The following PDE11A variants were observed in gnomAD, a reference collection of about 807,000 sequenced individuals.
PDE11A encodes the protein dual 3',5'-cyclic-AMP and -GMP phosphodiesterase 11A.
Under a neutral mutation model 100.5 loss-of-function variants are expected in PDE11A, and 100 were observed. That is an observed-to-expected ratio of 1.00 (90% CI 0.85 to 1.18). The LOEUF is 1.18. PDE11A is among the 50% of genes most tolerant of loss of function. PDE11A has a pLI of 0.00. For synonymous variants in PDE11A, 381 were observed against 420.8 expected, an observed-to-expected ratio of 0.91 and a Z score of 1.16; for missense variants, 1,141 against 1,152.6, an observed-to-expected ratio of 0.99 and a Z score of 0.15.
chr2:178,104,556 T>C, intron 1 of PDE11A: 2 of 1,202,560 alleles, frequency 1.7e-6, no homozygotes, highest in South Asian at 2.6e-5. Context: ...AAGAATTCCA[T>C]CATTTTGACT....
At chr2:178,062,689 C>T (rs919194427) in intron 1 of PDE11A, among the ~76,000 whole-genome samples, 2 of 152,156 alleles carry the variant, frequency 1.3e-5, no homozygotes, top group Non-Finnish European at 2.9e-5. Flanking sequence ...GTTCATTAAA[C>T]TGTGCATACC....
rs1318102128 is a variant in PDE11A at position 177,793,799 on chromosome 2, C to T, written c.1737+23030G>A. 7.9e-5 allele frequency among the ~76,000 whole-genome samples: 12 copies of T among 152,246 alleles called. No homozygotes were observed. In the South Asian group the frequency reaches 2.3e-3, roughly 29 times the overall value. On this transcript the variant is annotated intron_variant, in intron 9 of 19. Coordinates refer to ENST00000286063, the MANE Select transcript of PDE11A (RefSeq NM_016953.4). The stretch of plus-strand genomic sequence containing the variant: ...AGGGATCAGGCACACTGACTTGCTC[C>T]GGTGTCTAGTCAGTAGAAGGATGGG...
chr2:177,991,789 T>C (rs1166217559), intron 2 of PDE11A, among the ~76,000 whole-genome samples: 1 of 151,054 alleles, frequency 6.6e-6, no homozygotes, highest in African/African-American at 2.4e-5. Flanking sequence ...GCATGAGTTT[T>C]TAAGTGCTGC....
At chr2:177,722,747 T>C (rs1284139457) in intron 12 of PDE11A, among the ~76,000 whole-genome samples, 1 of 152,218 alleles carries the variant, frequency 6.6e-6, no homozygotes, top group East Asian at 1.9e-4. Flanking sequence ...ATTTGCCATC[T>C]TGTAGGTTAC....
chr2:178,071,888 G>A lies in PDE11A; in HGVS notation c.550C>T (p.Arg184Trp). 1 of 1,613,828 alleles carries A rather than the reference G, an allele frequency of 6.2e-7. No homozygotes were observed. Among genetic ancestry groups the A allele is most frequent in the Non-Finnish European group, 8.5e-7 (1 of 1,179,736 alleles). ...TAGTCGATGGCTGTAGGGGGATACC[G>A]AGGCAGATTCACTCTCGATTCCAGC... is the stretch of plus-strand genomic sequence containing the variant. ...ALLESRVNLP[R>W]YPPTAIDYKC... Residue 184 changes from arginine (R) to tryptophan (W), a missense_variant, in exon 1 of 20, where the codon CGG becomes TGG. Arg to Trp is a moderately radical substitution (Grantham distance 101). Transcript: ENST00000286063.
At chr2:178,068,333 G>A (rs1041547105) in intron 1 of PDE11A, among the ~76,000 whole-genome samples, 1 of 151,660 alleles carries the variant, frequency 6.6e-6, no homozygotes, top group Admixed American at 6.6e-5. Flanking sequence ...TAAACTGAGG[G>A]GTTTTGGGCT....
intron 2 of PDE11A, among the ~76,000 whole-genome samples, chr2:177,958,903 T>C (rs1358644453): frequency 1.3e-5 from 2 of 152,216 alleles, no homozygotes; most frequent in African/African-American, 4.8e-5. Flanking sequence ...GAACAAAATT[T>C]ATTGAGCCCC....
chr2:177,629,895 A>C (rs536080989), intron 19 of PDE11A, among the ~76,000 whole-genome samples: 72 of 152,324 alleles, frequency 4.7e-4, no homozygotes, highest in Admixed American at 9.2e-4. Flanking sequence ...ACATATGCCT[A>C]CTTACGTGTG....
intron 13 of PDE11A, among the ~76,000 whole-genome samples, chr2:177,711,501 G>A (rs2081358710): frequency 6.6e-6 from 1 of 152,204 alleles, no homozygotes; most frequent in Non-Finnish European, 1.5e-5. Flanking sequence ...GAGGAAAAAA[G>A]TAGACCCTTT....
At chr2:177,860,610 G>T (rs959378647) in intron 5 of PDE11A, among the ~76,000 whole-genome samples, 1 of 151,496 alleles carries the variant, frequency 6.6e-6, no homozygotes. Flanking sequence ...ATTCTATGAG[G>T]GTAGCATTGC....
intron 1 of PDE11A, among the ~76,000 whole-genome samples, chr2:178,027,647 TA>T (rs1277611798): frequency 6.6e-6 from 1 of 152,106 alleles, no homozygotes; most frequent in Non-Finnish European, 1.5e-5. Context: ...TCACCCTAGC[TA>T]AAAAATCTCT....
chr2:177,689,451 C>T (rs904881986), intron 15 of PDE11A, among the ~76,000 whole-genome samples: 3 of 151,968 alleles, frequency 2.0e-5, no homozygotes, highest in South Asian at 4.2e-4. Flanking sequence ...TGTGTGGATG[C>T]GGTGAGTGGG....
At chr2:177,724,230 G>A (rs981001194) in intron 12 of PDE11A, among the ~76,000 whole-genome samples, 1 of 151,634 alleles carries the variant, frequency 6.6e-6, no homozygotes, top group Non-Finnish European at 1.5e-5. Flanking sequence ...TCAGACCAGA[G>A]GCATGGAACA....
At chr2:177,853,674 A>G (rs1476030947) in intron 5 of PDE11A, among the ~76,000 whole-genome samples, 35 of 34,348 alleles carry the variant, frequency 1.0e-3, no homozygotes, top group African/African-American at 1.9e-3. Flanking sequence ...ATATATATAT[A>G]TATATATGTG....
At chr2:177,786,836 G>GA (rs2082544667) in intron 9 of PDE11A, among the ~76,000 whole-genome samples, 1 of 151,966 alleles carries the variant, frequency 6.6e-6, no homozygotes, top group Non-Finnish European at 1.5e-5. Flanking sequence ...GAAGTTTAGA[G>GA]AAAAAAGAAT....
intron 2 of PDE11A, among the ~76,000 whole-genome samples, chr2:177,945,064 C>G (rs547267860): frequency 4.6e-4 from 69 of 150,006 alleles, no homozygotes; most frequent in African/African-American, 1.5e-3. Context: ...GCGAGTGATC[C>G]GCCAGCCTTG....
At chr2:177,871,151 C>T (rs972253322) in intron 5 of PDE11A, among the ~76,000 whole-genome samples, 2 of 152,134 alleles carry the variant, frequency 1.3e-5, no homozygotes, top group Non-Finnish European at 2.9e-5. Context: ...TTTTGTGCAT[C>T]CCTTTCCCTA....
chr2:177,711,750 AAC>A lies in PDE11A; in HGVS notation c.2153+17_2153+18del. ...AGAAAGGCAAATGCATTAAAATAAC[AAC>A]AGTTTAGAACACTTACTTAGCTTGG... On this transcript the variant is annotated intron_variant, in intron 13 of 19. Coordinates refer to ENST00000286063, the MANE Select transcript of PDE11A (RefSeq NM_016953.4). 7.8e-7 allele frequency: 1 copy of A among 1,282,802 alleles called. No individual in the cohort carries two copies. Among genetic ancestry groups the A allele is most frequent in the Non-Finnish European group, 1.1e-6 (1 of 877,802 alleles). 79.5% of individuals were successfully genotyped at this position (1,282,802 alleles called of 1,614,324 possible). A position where few individuals can be genotyped will look rare whatever the true frequency, so the allele number is the denominator to read the frequency against.
In PDE11A at chr2:177,623,584, A is replaced by AT. The variant is rs528302034; in HGVS notation, c.*5822dup. The AT allele has an allele frequency of 4.2e-4, 64 of 152,386 alleles. No homozygotes were observed. The highest frequency in any genetic ancestry group is 1.5e-3 in the African/African-American group (63 of 41,602). 9.4% of individuals were successfully genotyped at this position (152,386 alleles called of 1,614,324 possible). Reference sequence around the variant, plus strand: ...AACTTAGCCTCCTATTTCCAATGTTATTTTTAAAATTTCATCTAAATATGT... The same window carrying AT: ...AACTTAGCCTCCTATTTCCAATGTTATTTTTTAAAATTTCATCTAAATATGT... On this transcript the variant is annotated 3_prime_UTR_variant, in exon 20 of 20. Transcript: ENST00000286063.
Sources: allele counts gnomAD v4.1 joint callset (sites outside exome capture counted in the v4.1 genomes callset), GRCh38; gene constraint gnomAD v4.1.1; transcripts MANE v1.5; gene names NCBI Gene and HGNC (gene_info 2026-07-23, HGNC 2026-07-21).